AGBL4: variants seen among roughly 807,000 people sequenced by gnomAD.
The protein encoded by AGBL4 is cytosolic carboxypeptidase 6.
A neutral mutation model predicts 66.4 loss-of-function variants in AGBL4; 58 were observed. The ratio of observed to expected loss-of-function variants is 0.87; its 90% CI spans 0.71 to 1.09. The LOEUF (loss-of-function observed/expected upper bound fraction) is 1.09. Among genes scored for constraint, AGBL4 ranks in the 50% least tolerant of loss-of-function variants. The pLI is 0.00. For missense variants in AGBL4, 579 were observed against 631.0 expected (o/e 0.92, Z 0.88); for synonymous variants, 234 against 222.9 (o/e 1.05, Z -0.44).
At chr1:48,974,028 T>C (rs893650534) in intron 5 of AGBL4, among the ~76,000 whole-genome samples, 6 of 152,062 alleles carry the variant, frequency 3.9e-5, no homozygotes, top group African/African-American at 1.4e-4. Flanking sequence ...AAACATCCTA[T>C]ATGTGCAATA....
At chr1:49,860,282 C>T (rs1391214683) in intron 1 of AGBL4, among the ~76,000 whole-genome samples, 1 of 152,156 alleles carries the variant, frequency 6.6e-6, no homozygotes, top group African/African-American at 2.4e-5. Flanking sequence ...GAGACTGAAA[C>T]ATAGTTTACT....
At chr1:49,693,542 GA>G (rs1382421532) in intron 3 of AGBL4, among the ~76,000 whole-genome samples, 13 of 152,076 alleles carry the variant, frequency 8.5e-5, no homozygotes, top group African/African-American at 2.9e-4. Context: ...AATAAGTTTA[GA>G]AATAAATATG....
chr1:49,003,203 C>A (rs1661524356), intron 5 of AGBL4, among the ~76,000 whole-genome samples: 1 of 152,114 alleles, frequency 6.6e-6, no homozygotes, highest in East Asian at 1.9e-4. Context: ...TTCACGACCA[C>A]CCTGACTAAC....
chr1:49,738,604 C>T (rs1650114327), intron 2 of AGBL4, among the ~76,000 whole-genome samples: 1 of 152,204 alleles, frequency 6.6e-6, no homozygotes, highest in African/African-American at 2.4e-5. Context: ...GACAGACTGC[C>T]TCCTCAAGTG....
At chr1:48,947,073 T>C (rs934489420) in intron 5 of AGBL4, among the ~76,000 whole-genome samples, 2 of 152,218 alleles carry the variant, frequency 1.3e-5, no homozygotes, top group Non-Finnish European at 2.9e-5. Flanking sequence ...AACATGCTTC[T>C]CTCTTTCCTA....
chr1:49,901,888 A>G (rs1035203587), intron 1 of AGBL4, among the ~76,000 whole-genome samples: 10 of 152,286 alleles, frequency 6.6e-5, no homozygotes, highest in African/African-American at 2.4e-4. Flanking sequence ...AATCCCTCAT[A>G]CTTACAGCCA....
chr1:49,512,246 A>T (rs1247167702), intron 3 of AGBL4, among the ~76,000 whole-genome samples: 1 of 152,036 alleles, frequency 6.6e-6, no homozygotes, highest in Non-Finnish European at 1.5e-5. Flanking sequence ...CTGAGATTCA[A>T]AGTAAAGTGG....
chr1:49,756,757 T>C lies in AGBL4; in HGVS notation c.158-59320A>G, dbSNP rs760912016. 7.9e-5 allele frequency among the ~76,000 whole-genome samples: 12 copies of C among 152,324 alleles called. 1 individual carries two copies. The highest frequency in any genetic ancestry group is 2.0e-4 in the Admixed American group (3 of 15,294). ...CTCTTTGCTTGGCACTTCTCCTTCT[T>C]GCCATCATGTGAAGAAGGATATGTT... On this transcript the variant is annotated intron_variant, in intron 2 of 13. Transcript: ENST00000371839.
At chr1:48,792,693 C>A (rs1405536375) in intron 6 of AGBL4, among the ~76,000 whole-genome samples, 3 of 152,160 alleles carry the variant, frequency 2.0e-5, no homozygotes, top group African/African-American at 4.8e-5. Context: ...AGAAGCTTAG[C>A]AGGTGTGGGA....
intron 3 of AGBL4, among the ~76,000 whole-genome samples, chr1:49,317,270 A>G (rs944660680): frequency 6.6e-6 from 1 of 151,894 alleles, no homozygotes; most frequent in African/African-American, 2.4e-5. Context: ...TTTCAGATAA[A>G]AGTTTCTGGA....
chr1:49,345,103 C>T (rs1241021724), intron 3 of AGBL4, among the ~76,000 whole-genome samples: 3 of 151,964 alleles, frequency 2.0e-5, no homozygotes, highest in Non-Finnish European at 4.4e-5. Context: ...ACATATTTGG[C>T]TTATTTGGTA....
chr1:49,777,322 A>T (rs769389996), intron 2 of AGBL4, among the ~76,000 whole-genome samples: 65 of 152,178 alleles, frequency 4.3e-4, no homozygotes, highest in Non-Finnish European at 8.4e-4. Context: ...TTTTGTAGAA[A>T]TGCAGCATTC....
chr1:48,659,700 G>A (rs572884071), intron 7 of AGBL4, among the ~76,000 whole-genome samples: 1 of 152,178 alleles, frequency 6.6e-6, no homozygotes, highest in Non-Finnish European at 1.5e-5. Context: ...AAGAGCTGGG[G>A]CCCACAGTCT....
chr1:49,379,550 C>T (rs1342747024), intron 3 of AGBL4, among the ~76,000 whole-genome samples: 1 of 151,928 alleles, frequency 6.6e-6, no homozygotes, highest in Non-Finnish European at 1.5e-5. Context: ...TGAGATATGT[C>T]CCATCAATAC....
chr1:49,276,277 T>A (rs1644166283), intron 3 of AGBL4, among the ~76,000 whole-genome samples: 1 of 152,172 alleles, frequency 6.6e-6, no homozygotes, highest in South Asian at 2.1e-4. Context: ...TCTTTTCTGC[T>A]TATTCCAGTT....
At chr1:49,029,829 A>C (rs1420345714) in intron 5 of AGBL4, among the ~76,000 whole-genome samples, 1 of 152,220 alleles carries the variant, frequency 6.6e-6, no homozygotes, top group Non-Finnish European at 1.5e-5. Context: ...AAGGATAGAC[A>C]TATAGATCAA....
intron 11 of AGBL4, among the ~76,000 whole-genome samples, chr1:48,556,202 C>G (rs571603968): frequency 3.7e-4 from 57 of 152,162 alleles, no homozygotes; most frequent in Non-Finnish European, 7.6e-4. Context: ...GGGTATGAGG[C>G]TGGCCTTAAA....
At chr1:49,212,115 T>C (rs1257097918) in intron 4 of AGBL4, among the ~76,000 whole-genome samples, 4 of 152,114 alleles carry the variant, frequency 2.6e-5, no homozygotes, top group Non-Finnish European at 5.9e-5. Flanking sequence ...TGGAAACAAA[T>C]CTGTCTGTCT....
chr1:49,564,322 T>G (rs1181242826), intron 3 of AGBL4, among the ~76,000 whole-genome samples: 1 of 152,200 alleles, frequency 6.6e-6, no homozygotes, highest in Non-Finnish European at 1.5e-5. Flanking sequence ...TCTGCTCTGA[T>G]TTTAGTTATT....
Sources: gnomAD v4.1 joint callset for allele counts (sites outside exome capture counted in the v4.1 genomes callset) on GRCh38, gnomAD v4.1.1 for gene constraint, MANE v1.5 for transcripts, NCBI Gene and HGNC (gene_info 2026-07-23, HGNC 2026-07-21) for gene names.